The following RBMS3 variants were observed in gnomAD, a reference collection of about 807,000 sequenced individuals.
RBMS3 encodes the protein RNA binding motif single stranded interacting protein 3.
A neutral mutation model predicts 66.8 loss-of-function variants in RBMS3; 27 were observed. That is an observed-to-expected ratio of 0.40 (90% confidence interval 0.30 to 0.56). The LOEUF is 0.56. Among genes scored for constraint, RBMS3 ranks in the 20% least tolerant of loss-of-function variants. RBMS3 has a pLI of 0.40. For synonymous variants in RBMS3, 188 were observed against 183.0 expected, an observed-to-expected ratio of 1.03 and a Z score of -0.22; for missense variants, 513 against 549.5, an observed-to-expected ratio of 0.93 and a Z score of 0.66.
chr3:29,937,997 C>CA (rs1455486593), intron 11 of RBMS3, among the ~76,000 whole-genome samples: 22 of 151,682 alleles, frequency 1.5e-4, no homozygotes, highest in Admixed American at 1.4e-3. Context: ...ATTAAAGAGA[C>CA]AATTATAATG....
chr3:29,447,258 A>C (rs543195565), intron 2 of RBMS3, among the ~76,000 whole-genome samples: 1 of 152,188 alleles, frequency 6.6e-6, no homozygotes, highest in African/African-American at 2.4e-5. Context: ...TATTCATTTA[A>C]GTAATTACAG....
chr3:29,407,691 A>G (rs1160383242), intron 1 of RBMS3, among the ~76,000 whole-genome samples: 2 of 152,098 alleles, frequency 1.3e-5, no homozygotes, highest in Non-Finnish European at 1.5e-5. Flanking sequence ...AGGCTTGAGC[A>G]TTACACTTGC....
chr3:29,986,754 C>G (rs1698417522), intron 12 of RBMS3, among the ~76,000 whole-genome samples: 1 of 152,042 alleles, frequency 6.6e-6, no homozygotes, highest in South Asian at 2.1e-4. Context: ...ACCAGCTTGG[C>G]CAATATGGCA....
At chr3:29,439,591 C>G (rs1367260041) in intron 2 of RBMS3, among the ~76,000 whole-genome samples, 1 of 45,170 alleles carries the variant, frequency 2.2e-5, no homozygotes, top group Non-Finnish European at 3.7e-5. Context: ...TAGTTAATCT[C>G]TTTTTATTTA....
At chr3:29,407,683 G>A (rs756139491) in intron 1 of RBMS3, among the ~76,000 whole-genome samples, 11 of 151,998 alleles carry the variant, frequency 7.2e-5, no homozygotes, top group Non-Finnish European at 1.5e-4. Flanking sequence ...ATTGAGTTAG[G>A]CTTGAGCATT....
At chr3:29,698,758 T>C (rs1351625563) in intron 4 of RBMS3, 2 of 414,586 alleles carry the variant, frequency 4.8e-6, no homozygotes. Context: ...ACATAATTTA[T>C]AGAGCTTATT....
At chr3:29,892,378 GATA>G (rs1354354360) in intron 8 of RBMS3, among the ~76,000 whole-genome samples, 1 of 151,502 alleles carries the variant, frequency 6.6e-6, no homozygotes, top group Non-Finnish European at 1.5e-5. Flanking sequence ...TTCAGGACTC[GATA>G]ATGTTTGTAT....
intron 6 of RBMS3, among the ~76,000 whole-genome samples, chr3:29,821,754 A>C (rs1455269012): frequency 6.6e-6 from 1 of 152,160 alleles, no homozygotes; most frequent in African/African-American, 2.4e-5. Context: ...CTAACAACCA[A>C]GTCTCATTCT....
At chr3:29,471,916 A>G (rs1051741358) in intron 2 of RBMS3, among the ~76,000 whole-genome samples, 7 of 152,096 alleles carry the variant, frequency 4.6e-5, no homozygotes, top group African/African-American at 1.7e-4. Context: ...AACTTTAAAC[A>G]TAACAGTTAA....
At chr3:29,523,246 C>A (rs1159395637) in intron 3 of RBMS3, among the ~76,000 whole-genome samples, 26 of 152,216 alleles carry the variant, frequency 1.7e-4, no homozygotes, top group Non-Finnish European at 4.4e-5. Context: ...ACTCACTGAG[C>A]ACCCAGTAGT....
At chr3:29,586,116 G>T (rs927835235) in intron 3 of RBMS3, among the ~76,000 whole-genome samples, 1 of 151,978 alleles carries the variant, frequency 6.6e-6, no homozygotes, top group South Asian at 2.1e-4. Flanking sequence ...GAATACAGAT[G>T]ATTCCCTGCC....
chr3:29,778,595 C>T (rs918183593), intron 6 of RBMS3, among the ~76,000 whole-genome samples: 4 of 151,838 alleles, frequency 2.6e-5, no homozygotes, highest in African/African-American at 4.8e-5. Flanking sequence ...GTATAAATTG[C>T]TTTGATGCAT....
chr3:29,844,243 G>T (rs77724606), intron 6 of RBMS3, among the ~76,000 whole-genome samples: 2,452 of 151,948 alleles, frequency 0.016, 69 homozygotes, highest in African/African-American at 0.056. Flanking sequence ...TTTTTTTGTT[G>T]TGTTTTGTTT....
chr3:29,665,445 T>C (rs1454432674), intron 4 of RBMS3, among the ~76,000 whole-genome samples: 1 of 152,228 alleles, frequency 6.6e-6, no homozygotes, highest in Non-Finnish European at 1.5e-5. Flanking sequence ...AATAACTATT[T>C]CAATAATTCA....
intron 6 of RBMS3, among the ~76,000 whole-genome samples, chr3:29,800,369 T>A (rs1417738515): frequency 6.6e-6 from 1 of 152,136 alleles, no homozygotes; most frequent in Middle Eastern, 3.2e-3. Context: ...TATTAAGTAT[T>A]CCCTTTAAAT....
At chr3:29,427,236 T>G (rs2040994540) in intron 1 of RBMS3, among the ~76,000 whole-genome samples, 1 of 152,262 alleles carries the variant, frequency 6.6e-6, no homozygotes, top group South Asian at 2.1e-4. Flanking sequence ...TATGCTTGTA[T>G]TCTAGATAAT....
At chr3:29,551,225 A>G (rs1395583888) in intron 3 of RBMS3, among the ~76,000 whole-genome samples, 1 of 152,212 alleles carries the variant, frequency 6.6e-6, no homozygotes, top group Non-Finnish European at 1.5e-5. Flanking sequence ...TTTGATTGAC[A>G]TATAGATCTT....
intron 8 of RBMS3, among the ~76,000 whole-genome samples, chr3:29,885,601 A>G (rs2059851544): frequency 6.6e-6 from 1 of 151,952 alleles, no homozygotes; most frequent in Non-Finnish European, 1.5e-5. Context: ...AAATGAATAC[A>G]TGTGATTACA....
chr3:29,638,894 A>G (rs1394781350), intron 4 of RBMS3, among the ~76,000 whole-genome samples: 1 of 151,858 alleles, frequency 6.6e-6, no homozygotes, highest in African/African-American at 2.4e-5. Flanking sequence ...TTCTTAATGT[A>G]TATCGCTGTA....
Sources: gnomAD v4.1 joint callset for allele counts (sites outside exome capture counted in the v4.1 genomes callset) on GRCh38, gnomAD v4.1.1 for gene constraint, MANE v1.5 for transcripts, NCBI Gene and HGNC (gene_info 2026-07-23, HGNC 2026-07-21) for gene names.